Variants in VPS39 observed in about 807,000 individuals in gnomAD.
VPS39 encodes vam6/Vps39-like protein.
VPS39 carries 70 observed loss-of-function variants against 121.0 expected under a neutral mutation model. The observed-to-expected ratio is 0.58, with a 90% CI of 0.48 to 0.71. The LOEUF is 0.71. VPS39 is among the 30% of genes least tolerant of loss of function. The probability of loss-of-function intolerance (pLI) is 0.00; values close to 1 mark genes in which losing one functional copy is unlikely to be tolerated. For missense variants in VPS39, 818 were observed against 1,051.5 expected (o/e 0.78, Z 3.07); for synonymous variants, 378 against 398.1 (o/e 0.95, Z 0.60).
At position 42,164,489 on chromosome 15, in the gene VPS39, T is replaced by G. The variant is rs745725289; in HGVS notation, c.1898-3A>C. The G allele has an allele frequency of 6.2e-7, 1 of 1,613,746 alleles. No homozygotes were observed. Among genetic ancestry groups the G allele is most frequent in the African/African-American group, 1.3e-5 (1 of 74,992 alleles). On this transcript the variant is annotated splice_polypyrimidine_tract_variant and splice_region_variant and intron_variant, in intron 18 of 24. Coordinates refer to ENST00000318006, the MANE Select transcript of VPS39 (RefSeq NM_015289.5). ...TCCAGCTGGGACTGGGGTTTTGCCT[T>G]TAAGGGAAACCAAGCTCAAAATGAA...
In VPS39 at chr15:42,166,207, G is replaced by A; in HGVS notation, c.1632C>T (p.Phe544=). Residue 544 remains phenylalanine, a synonymous_variant, in exon 16 of 25, where the codon TTC becomes TTT. Coordinates refer to ENST00000318006, the MANE Select transcript of VPS39 (RefSeq NM_015289.5). The stretch of plus-strand genomic sequence containing the variant: ...CTCTCAGCACCCACACTGAGTAGGA[G>A]AAAATCAAATGCAGGTTTTCTGTGC... ...HLGTENLHLI[F]SYSVWVLRDF... 1 of 1,614,236 alleles carries A rather than the reference G, an allele frequency of 6.2e-7. No individual in the cohort carries two copies. The highest frequency in any genetic ancestry group is 8.5e-7 in the Non-Finnish European group (1 of 1,180,044).
intron 16 of VPS39, 73 bp from the exon 17 acceptor site, chr15:42,165,889 G>A: frequency 7.0e-7 from 1 of 1,418,882 alleles, no homozygotes; most frequent in Non-Finnish European, 9.9e-7. Context: ...ACGCATGTGA[G>A]CGCAGGGATC....
At chr15:42,195,687 G>A (rs1029540713) in intron 2 of VPS39, among the ~76,000 whole-genome samples, 1 of 152,136 alleles carries the variant, frequency 6.6e-6, no homozygotes, top group Admixed American at 6.5e-5. Context: ...CAAACAAATG[G>A]AAGAACATTC....
chr15:42,193,752 T>G (rs1479773558), intron 2 of VPS39, among the ~76,000 whole-genome samples: 1 of 152,042 alleles, frequency 6.6e-6, no homozygotes, highest in East Asian at 1.9e-4. Flanking sequence ...GAACACAAGT[T>G]TTCCATAATT....
chr15:42,175,873 G>A (rs1424675160), intron 10 of VPS39, among the ~76,000 whole-genome samples: 1 of 151,958 alleles, frequency 6.6e-6, no homozygotes, highest in Non-Finnish European at 1.5e-5. Context: ...TCCTGCTCTT[G>A]ATCCTAATCT....
chr15:42,174,274 T>C (rs965833914), intron 10 of VPS39, among the ~76,000 whole-genome samples: 1 of 151,578 alleles, frequency 6.6e-6, no homozygotes, highest in African/African-American at 2.4e-5. Flanking sequence ...TAAAACAAAG[T>C]GTACAAGACA....
At chr15:42,168,869 C>G (rs1034004592) in intron 12 of VPS39, among the ~76,000 whole-genome samples, 4 of 152,134 alleles carry the variant, frequency 2.6e-5, no homozygotes, top group Middle Eastern at 3.2e-3. Flanking sequence ...AGTGCCTACC[C>G]TAGAGCATTC....
chr15:42,195,841 A>C (rs1047020567), intron 2 of VPS39, among the ~76,000 whole-genome samples: 1 of 152,226 alleles, frequency 6.6e-6, no homozygotes, highest in Admixed American at 6.5e-5. Flanking sequence ...ATATGAAACC[A>C]AAAAAGAGCC....
intron 2 of VPS39, chr15:42,192,167 C>T: frequency 6.8e-7 from 1 of 1,476,560 alleles, no homozygotes. Context: ...CTGGGGATGA[C>T]AAAAATATTC....
At chr15:42,180,431 G>T (rs914460291) in intron 8 of VPS39, among the ~76,000 whole-genome samples, 8 of 152,222 alleles carry the variant, frequency 5.3e-5, no homozygotes, top group South Asian at 4.1e-4. Context: ...TTTTTGACAA[G>T]CATGTGACAG....
At chr15:42,189,081 C>T (rs570453226) in intron 5 of VPS39, 33 bp downstream of exon 5, 2 of 1,536,832 alleles carry the variant, frequency 1.3e-6, no homozygotes, top group Admixed American at 1.7e-5. Flanking sequence ...TTGATTAAAG[C>T]ATAAAGCCAA....
chr15:42,208,293 A>G lies in VPS39; in HGVS notation c.-140T>C. The G allele has an allele frequency of 5.4e-6, 6 of 1,103,088 alleles. No individual in the cohort carries two copies. The highest frequency in any genetic ancestry group is 7.6e-6 in the Non-Finnish European group (6 of 784,788). 68.3% of individuals were successfully genotyped at this position (1,103,088 alleles called of 1,614,324 possible). The stretch of plus-strand genomic sequence containing the variant: ...CTACAGGCCCTTCAACAACACAGCC[A>G]TCGTCAACCCCGGACTTCCTGCTAG... On this transcript the variant is annotated 5_prime_UTR_variant, in exon 1 of 25. An upstream start codon of the reference 5' UTR is lost. Transcript: ENST00000318006.
intron 24 of VPS39, 119 bp from the exon 25 acceptor site, chr15:42,160,948 C>A: frequency 1.0e-6 from 1 of 982,846 alleles, no homozygotes; most frequent in Non-Finnish European, 1.6e-6. Context: ...GCAGCCCACC[C>A]AAACCTCAAA....
intron 4 of VPS39, among the ~76,000 whole-genome samples, chr15:42,189,689 A>G (rs1370854040): frequency 7.3e-6 from 1 of 137,904 alleles, no homozygotes; most frequent in Non-Finnish European, 1.5e-5. Flanking sequence ...GGGCTGCACC[A>G]CTACACTCCA....
At chr15:42,186,100 A>T (rs1228925223) in intron 7 of VPS39, among the ~76,000 whole-genome samples, 1 of 152,142 alleles carries the variant, frequency 6.6e-6, no homozygotes, top group Non-Finnish European at 1.5e-5. Context: ...TGCTGATAAA[A>T]TCAGGATATT....
At position 42,203,906 on chromosome 15, in the gene VPS39, G is replaced by A. The variant is rs2050117749; in HGVS notation, c.74-3945C>T. Among the ~76,000 whole-genome samples the A allele has an allele frequency of 5.3e-5, 8 of 152,308 alleles. No homozygotes were observed. In the South Asian group the frequency reaches 1.7e-3, roughly 32 times the overall value. ...ACAGTGCCTTCTGAGACTCAATACA[G>A]TAACACACAACAGAAAGTGAGACAT... is the stretch of plus-strand genomic sequence containing the variant. On this transcript the variant is annotated intron_variant, in intron 1 of 24. Transcript: ENST00000318006.
intron 3 of VPS39, 67 bp from the exon 4 acceptor site, chr15:42,191,234 A>G (rs2140877950): frequency 4.5e-6 from 7 of 1,570,486 alleles, no homozygotes; most frequent in Non-Finnish European, 6.1e-6. Flanking sequence ...TGTTCATTCA[A>G]TAACAGTAAT....
chr15:42,165,398 G>C, intron 17 of VPS39: 1 of 518,322 alleles, frequency 1.9e-6, no homozygotes, highest in Admixed American at 3.6e-5. Flanking sequence ...TTAAATATCT[G>C]CATCCTGGTA....
intron 8 of VPS39, among the ~76,000 whole-genome samples, chr15:42,182,277 A>T (rs910001677): frequency 6.6e-6 from 1 of 152,178 alleles, no homozygotes; most frequent in Admixed American, 6.5e-5. Flanking sequence ...AAGTTAGTAC[A>T]ATTTTCTTTA....
Sources: gnomAD v4.1 joint callset for allele counts (sites outside exome capture counted in the v4.1 genomes callset) on GRCh38, gnomAD v4.1.1 for gene constraint, MANE v1.5 for transcripts, NCBI Gene and HGNC (gene_info 2026-07-23, HGNC 2026-07-21) for gene names.